SEC31B: variants seen among roughly 807,000 people sequenced by gnomAD.
The protein encoded by SEC31B is SEC31 homolog B, COPII component.
SEC31B carries 113 observed loss-of-function variants against 135.0 expected under a neutral mutation model. That is an observed-to-expected ratio of 0.84 (90% CI 0.72 to 0.98). The LOEUF is 0.98. SEC31B is among the 50% of genes least tolerant of loss of function. The pLI is 0.00. For missense variants in SEC31B, 1,296 were observed against 1,421.1 expected, an observed-to-expected ratio of 0.91 and a Z score of 1.42; for synonymous variants, 508 against 549.4, an observed-to-expected ratio of 0.92 and a Z score of 1.05.
chr10:100,497,610 C>T lies in SEC31B; in HGVS notation c.1990+57G>A, dbSNP rs1851437009. ...CCTCCACCTCCCTCCTGCATGCATC[C>T]TTTGACTCCATGCTGGAGTCACACC... On this transcript the variant is annotated intron_variant, in intron 16 of 25. Transcript: ENST00000370345. The T allele has an allele frequency of 3.7e-6, 6 of 1,612,968 alleles. No individual in the cohort carries two copies. In the South Asian group the frequency reaches 5.5e-5, roughly 15 times the overall value.
chr10:100,498,553 A>G (rs752685745), intron 14 of SEC31B, 152 bp downstream of exon 14: 56 of 625,296 alleles, frequency 9.0e-5, no homozygotes, highest in Non-Finnish European at 1.3e-4. Flanking sequence ...ACAACCAGAG[A>G]GAGCTCTAAC....
rs1851836336 is a variant in SEC31B at position 100,516,050 on chromosome 10, C to T, written c.203+46G>A. ...GAAACACACACTGCTCCCAGGATTCCACGTCAGTATCTACCCTGTATACCC... is the reference window on the plus strand; with the variant it reads ...GAAACACACACTGCTCCCAGGATTCTACGTCAGTATCTACCCTGTATACCC... On this transcript the variant is annotated intron_variant, in intron 3 of 25. Transcript: ENST00000370345. 6 of 1,597,752 alleles carry T rather than the reference C, an allele frequency of 3.8e-6. No individual in the cohort carries two copies. The South Asian group carries it at 5.7e-5, about 15-fold the overall frequency.
intron 3 of SEC31B, among the ~76,000 whole-genome samples, 176 bp downstream of exon 3, chr10:100,515,920 G>GC (rs1851832289): frequency 6.6e-6 from 1 of 152,084 alleles, no homozygotes; most frequent in East Asian, 1.9e-4. Context: ...GGAAAGGGGG[G>GC]GGGTGGTTGT....
rs1589733505 is a variant in SEC31B, at chr10:100,497,449, T to C, written c.1991-169A>G. ...GAAGGGGAAAGTTCTCACATCATGG[T>C]GTGACAAGACAAGGTAAAACAGGAC... On this transcript the variant is annotated intron_variant, in intron 16 of 25. Coordinates refer to ENST00000370345, the MANE Select transcript of SEC31B (RefSeq NM_015490.4). The C allele has an allele frequency of 2.7e-6, 4 of 1,475,332 alleles. No homozygotes were observed. The South Asian group carries it at 5.5e-5, about 20-fold the overall frequency. The allele number at this position is 1,475,332 out of a possible 1,614,324, so 91.4% of individuals were successfully genotyped here.
At chr10:100,497,027 G>A in intron 17 of SEC31B, 108 bp downstream of exon 17, 2 of 1,375,664 alleles carry the variant, frequency 1.5e-6, no homozygotes, top group South Asian at 2.8e-5. Flanking sequence ...TAACACCGTG[G>A]TTCCAGCCTG....
chr10:100,499,286 T>G, intron 12 of SEC31B, 28 bp from the exon 13 acceptor site: 1 of 1,548,914 alleles, frequency 6.5e-7, no homozygotes, highest in Non-Finnish European at 8.9e-7. Flanking sequence ...TGAAAACCGC[T>G]CTTTCAAGCG....
At chr10:100,496,974 A>G (rs1851421345) in intron 17 of SEC31B, among the ~76,000 whole-genome samples, 161 bp downstream of exon 17, 1 of 152,232 alleles carries the variant, frequency 6.6e-6, no homozygotes. Context: ...TCTCTGAGGG[A>G]AGAGGAGAAG....
rs1851428121 is a variant in SEC31B, at chr10:100,497,206, A to G, written c.2065T>C (p.Ser689Pro). The change falls in exon 17 of 26, where the codon TCA (serine) becomes CCA (proline). Residue 689 changes from serine to proline, a missense_variant. Coordinates refer to ENST00000370345, the MANE Select transcript of SEC31B (RefSeq NM_015490.4). ...TSEARLCYVC[S>P]GSVERLVECW... ...TCCACCAGCCGCTCCACACTCCCTGAGCACACATAACAGAGTCTGGCTTCG... is the reference window on the plus strand; with the variant it reads ...TCCACCAGCCGCTCCACACTCCCTGGGCACACATAACAGAGTCTGGCTTCG... 2 of 1,614,224 alleles carry G rather than the reference A, an allele frequency of 1.2e-6. No homozygotes were observed. The highest frequency in any genetic ancestry group is 1.7e-6 in the Non-Finnish European group (2 of 1,180,044).
intron 13 of SEC31B, 50 bp downstream of exon 13, chr10:100,499,110 G>A (rs781278847): frequency 6.8e-7 from 1 of 1,469,594 alleles, no homozygotes; most frequent in South Asian, 1.1e-5. Flanking sequence ...TGCCCAAAAG[G>A]CAGGTTTCCT....
rs574714470 is a variant in SEC31B, at chr10:100,509,382, C to T, written c.333G>A (p.Glu111=). 1.9e-6 allele frequency: 3 copies of T among 1,614,166 alleles called. No homozygotes were observed. Among genetic ancestry groups the T allele is most frequent in the South Asian group, 2.2e-5 (2 of 91,080 alleles). The change falls in exon 4 of 26, where the codon GAG becomes GAA. Residue 111 remains glutamate (E), a synonymous_variant. Coordinates refer to ENST00000370345, the MANE Select transcript of SEC31B (RefSeq NM_015490.4). ...NVTHILSSGK[E]PVIAQKQKHT... ...GCTTCTGTTTCTGAGCAATCACAGG[C>T]TCCTTCCCCGAAGACAGGATGTGGG...
intron 3 of SEC31B, among the ~76,000 whole-genome samples, chr10:100,515,838 C>T (rs1851826905): frequency 6.6e-6 from 1 of 152,094 alleles, no homozygotes; most frequent in African/African-American, 2.4e-5. Context: ...AGACCAGGTA[C>T]ACGTGGGTCC....
intron 7 of SEC31B, 83 bp downstream of exon 7, chr10:100,507,341 TA>T: frequency 6.5e-7 from 1 of 1,548,300 alleles, no homozygotes. Flanking sequence ...GTTTAGTAGC[TA>T]AAGTGAGGGA....
At position 100,498,040 on chromosome 10, in the gene SEC31B, T is replaced by G; in HGVS notation, c.1852A>C (p.Lys618Gln). The change falls in exon 15 of 26, where the codon AAA becomes CAA. Residue 618 changes from lysine (K) to glutamine (Q), a missense_variant. Coordinates refer to ENST00000370345, the MANE Select transcript of SEC31B (RefSeq NM_015490.4). Reference protein sequence around the residue: ...QERYLAKKKTKISSLLACVVQ... With the variant: ...QERYLAKKKTQISSLLACVVQ... ...TGATGGGCAGTTACCGAGGAGATTT[T>G]GGTTTTCTTCTTGGCCAAGTAGCGC... 28 of 1,614,196 alleles carry G rather than the reference T, an allele frequency of 1.7e-5. No homozygotes were observed. The highest frequency in any genetic ancestry group is 1.8e-5 in the Non-Finnish European group (21 of 1,180,028).
Position 100,496,248 on chromosome 10 carries a change from C to T in SEC31B, c.2310+10G>A, listed in dbSNP as rs1309777941. On this transcript the variant is annotated intron_variant, in intron 18 of 25. Transcript: ENST00000370345. ...GAAATGGTTTGCTCTCTCCACATGG[C>T]CCCACTTACCTGAGCACAGTCCCTG... The T allele has an allele frequency of 6.2e-7, 1 of 1,613,142 alleles. No homozygotes were observed. The highest frequency in any genetic ancestry group is 1.7e-5 in the Admixed American group (1 of 59,922).
At chr10:100,498,000 CCTT>C in intron 15 of SEC31B, 26 bp downstream of exon 15, 1 of 1,612,838 alleles carries the variant, frequency 6.2e-7, no homozygotes, top group Middle Eastern at 1.7e-4. Context: ...TAATCCCCTC[CCTT>C]CTTCTCCTGC....
chr10:100,506,268 T>C, intron 8 of SEC31B, 53 bp downstream of exon 8: 1 of 1,614,086 alleles, frequency 6.2e-7, no homozygotes, highest in Non-Finnish European at 8.5e-7. Flanking sequence ...GCAGCTGAGA[T>C]TCTTCTACCC....
intron 3 of SEC31B, 139 bp downstream of exon 3, chr10:100,515,957 C>A: frequency 1.9e-6 from 2 of 1,061,570 alleles, no homozygotes; most frequent in Admixed American, 2.6e-5. Flanking sequence ...CAAAATAAGC[C>A]CAGAATTAAC....
intron 3 of SEC31B, among the ~76,000 whole-genome samples, chr10:100,514,162 G>C (rs1387891311): frequency 6.6e-6 from 1 of 152,054 alleles, no homozygotes; most frequent in African/African-American, 2.4e-5. Flanking sequence ...TCCAGCCTGG[G>C]TGACAGAGTG....
intron 3 of SEC31B, among the ~76,000 whole-genome samples, chr10:100,512,305 C>T (rs112212132): frequency 1.1e-4 from 16 of 152,186 alleles, no homozygotes; most frequent in Admixed American, 8.5e-4. Flanking sequence ...GCAGACCACA[C>T]ATTGATCTCT....
Sources: gnomAD v4.1 joint callset for allele counts (sites outside exome capture counted in the v4.1 genomes callset) on GRCh38, gnomAD v4.1.1 for gene constraint, MANE v1.5 for transcripts, NCBI Gene and HGNC (gene_info 2026-07-23, HGNC 2026-07-21) for gene names.